The following MYRIP variants were observed in gnomAD, a reference collection of about 807,000 sequenced individuals.
MYRIP encodes the protein rab effector MyRIP.
MYRIP carries 49 observed loss-of-function variants against 98.0 expected under a neutral mutation model. That is an observed-to-expected ratio of 0.50 (90% CI 0.40 to 0.63). The LOEUF (loss-of-function observed/expected upper bound fraction) is 0.63. Ranked by LOEUF, MYRIP falls within the 30% of genes least tolerant of loss-of-function variation. MYRIP has a pLI of 0.00. For missense variants in MYRIP, 1,004 were observed against 1,058.2 expected (o/e 0.95, Z 0.71); for synonymous variants, 404 against 409.5 (o/e 0.99, Z 0.16).
At chr3:39,896,769 T>A (rs1449769024) in intron 1 of MYRIP, among the ~76,000 whole-genome samples, 1 of 152,228 alleles carries the variant, frequency 6.6e-6, no homozygotes, top group Non-Finnish European at 1.5e-5. Flanking sequence ...CCCTTCTAGG[T>A]ACTTTAATAG....
intron 2 of MYRIP, among the ~76,000 whole-genome samples, chr3:39,918,031 A>G (rs1239592944): frequency 6.6e-6 from 1 of 151,334 alleles, no homozygotes; most frequent in Admixed American, 6.6e-5. Flanking sequence ...GGTTCACGCC[A>G]TTCTCCTGCC....
intron 11 of MYRIP, among the ~76,000 whole-genome samples, chr3:40,226,809 G>A (rs987733609): frequency 6.6e-6 from 1 of 152,158 alleles, no homozygotes; most frequent in Non-Finnish European, 1.5e-5. Context: ...GTTAACAGCA[G>A]CAGCAAGAAC....
chr3:39,991,535 C>A (rs546592211), intron 2 of MYRIP, among the ~76,000 whole-genome samples: 1 of 152,178 alleles, frequency 6.6e-6, no homozygotes, highest in African/African-American at 2.4e-5. Context: ...TACCTTCCTA[C>A]GACTTTTCCC....
intron 11 of MYRIP, among the ~76,000 whole-genome samples, chr3:40,228,336 A>G (rs2125693821): frequency 6.6e-6 from 1 of 152,390 alleles, no homozygotes; most frequent in South Asian, 2.1e-4. Context: ...GCATAAATAT[A>G]CTAAGATTAT....
chr3:39,907,793 A>C (rs1943913531), intron 2 of MYRIP, among the ~76,000 whole-genome samples: 1 of 152,174 alleles, frequency 6.6e-6, no homozygotes, highest in Non-Finnish European at 1.5e-5. Context: ...TTAGTGGTAG[A>C]GTCTGGATGC....
chr3:40,104,263 T>C (rs1256980978), intron 3 of MYRIP, among the ~76,000 whole-genome samples: 4 of 152,190 alleles, frequency 2.6e-5, no homozygotes, highest in Non-Finnish European at 5.9e-5. Flanking sequence ...TATTTTATGG[T>C]TCCTACCTTT....
At chr3:40,149,208 T>C (rs751773354) in intron 3 of MYRIP, among the ~76,000 whole-genome samples, 3 of 152,204 alleles carry the variant, frequency 2.0e-5, no homozygotes, top group Non-Finnish European at 4.4e-5. Context: ...CTTTTACTTA[T>C]AGCAGAATGC....
intron 4 of MYRIP, 44 bp downstream of exon 4, chr3:40,151,228 TG>T (rs752863556): frequency 6.4e-7 from 1 of 1,555,524 alleles, no homozygotes; most frequent in Non-Finnish European, 8.7e-7. Context: ...GGTGGGCTGG[TG>T]GGTAGAAGGC....
chr3:40,179,085 A>G (rs1950830642), intron 8 of MYRIP, among the ~76,000 whole-genome samples: 1 of 152,266 alleles, frequency 6.6e-6, no homozygotes. Flanking sequence ...CAGTATAATA[A>G]ACAAATAAAT....
At position 39,989,125 on chromosome 3, in the gene MYRIP, C is replaced by T. The variant is rs572283080; in HGVS notation, c.111-54925C>T. Reference sequence around the variant, plus strand: ...CCTTTTAGATTTTCAGCGTTTTTTTCGTTGATTCTTTCTCATCTTCATGAG... The same window carrying T: ...CCTTTTAGATTTTCAGCGTTTTTTTTGTTGATTCTTTCTCATCTTCATGAG... On this transcript the variant is annotated intron_variant, in intron 2 of 16. Coordinates refer to ENST00000302541, the MANE Select transcript of MYRIP (RefSeq NM_015460.4). 6.6e-5 allele frequency among the ~76,000 whole-genome samples: 10 copies of T among 152,016 alleles called. No homozygotes were observed. In the South Asian group the frequency reaches 8.3e-4, roughly 13 times the overall value.
chr3:40,005,959 G>A (rs896646255), intron 2 of MYRIP, among the ~76,000 whole-genome samples: 4 of 152,194 alleles, frequency 2.6e-5, no homozygotes, highest in African/African-American at 9.7e-5. Flanking sequence ...ATAGACAAGG[G>A]AAGGCCTTTC....
intron 1 of MYRIP, among the ~76,000 whole-genome samples, chr3:39,875,823 T>C (rs1003695223): frequency 6.6e-6 from 1 of 151,868 alleles, no homozygotes; most frequent in Non-Finnish European, 1.5e-5. Context: ...TTCTGTTGAT[T>C]TGGGGTGGAG....
Position 40,189,709 on chromosome 3 carries a change from G to C in MYRIP, c.1028-117G>C, listed in dbSNP as rs908020505. The stretch of plus-strand genomic sequence containing the variant: ...GTTTGCCTTCCTGGGCTTCCTAAAG[G>C]CAACTGCTCTCCAACAGCCCCACAA... On this transcript the variant is annotated intron_variant, in intron 9 of 16. Coordinates refer to ENST00000302541, the MANE Select transcript of MYRIP (RefSeq NM_015460.4). The C allele has an allele frequency of 5.3e-6, 6 of 1,124,568 alleles. No homozygotes were observed. The African/African-American group carries it at 9.3e-5, about 18-fold the overall frequency. 69.7% of individuals were successfully genotyped at this position (1,124,568 alleles called of 1,614,324 possible).
At chr3:39,951,392 A>T (rs1018525734) in intron 2 of MYRIP, among the ~76,000 whole-genome samples, 1 of 152,042 alleles carries the variant, frequency 6.6e-6, no homozygotes, top group African/African-American at 2.4e-5. Flanking sequence ...TCAAGCTTCC[A>T]AGTAAATCTA....
intron 3 of MYRIP, among the ~76,000 whole-genome samples, chr3:40,089,530 C>A (rs1338737372): frequency 6.6e-6 from 1 of 152,134 alleles, no homozygotes. Flanking sequence ...AGCAGTGGAA[C>A]TGGAGTCCTA....
chr3:39,981,580 A>G (rs990925656), intron 2 of MYRIP, among the ~76,000 whole-genome samples: 2 of 152,164 alleles, frequency 1.3e-5, no homozygotes, highest in South Asian at 2.1e-4. Flanking sequence ...GTGGAAGACC[A>G]TTACTCCCTT....
intron 1 of MYRIP, among the ~76,000 whole-genome samples, chr3:39,868,335 C>T (rs1942683916): frequency 6.6e-6 from 1 of 152,092 alleles, no homozygotes; most frequent in African/African-American, 2.4e-5. Context: ...GTATTGAGGT[C>T]CCTAAAAGAT....
chr3:40,214,693 G>T (rs1714407), intron 11 of MYRIP, among the ~76,000 whole-genome samples: 3 of 152,092 alleles, frequency 2.0e-5, no homozygotes, highest in East Asian at 1.9e-4. Context: ...AGACCTCAGC[G>T]GTCAGCCTTC....
At chr3:39,858,700 C>A (rs554469294) in intron 1 of MYRIP, among the ~76,000 whole-genome samples, 1 of 152,106 alleles carries the variant, frequency 6.6e-6, no homozygotes, top group Non-Finnish European at 1.5e-5. Flanking sequence ...TATTTTCTGA[C>A]CACAATGGTA....
Sources: allele counts gnomAD v4.1 joint callset (sites outside exome capture counted in the v4.1 genomes callset), GRCh38; gene constraint gnomAD v4.1.1; transcripts MANE v1.5; gene names NCBI Gene and HGNC (gene_info 2026-07-23, HGNC 2026-07-21).